The following ELAVL2 variants were observed in gnomAD, a reference collection of about 807,000 sequenced individuals.
The protein encoded by ELAVL2 is ELAV like RNA binding protein 2.
In ELAVL2, 4 loss-of-function variants were observed where a neutral mutation model predicts 34.6. The observed-to-expected ratio is 0.12, with a 90% CI of 0.06 to 0.26. The LOEUF is 0.26. Ranked by LOEUF, ELAVL2 falls within the 10% of genes least tolerant of loss-of-function variation. ELAVL2 has a pLI of 1.00. For missense variants in ELAVL2, 432 were observed against 442.8 expected (o/e 0.98, Z 0.22); for synonymous variants, 193 against 154.8 (o/e 1.25, Z -1.83).
chr9:23,801,702 A>G (rs959545178), intron 1 of ELAVL2, among the ~76,000 whole-genome samples: 3 of 152,270 alleles, frequency 2.0e-5, no homozygotes, highest in African/African-American at 4.8e-5. Flanking sequence ...TATCCAAACT[A>G]AAATGCAGAA....
intron 1 of ELAVL2, among the ~76,000 whole-genome samples, chr9:23,818,256 C>CA (rs928677033): frequency 6.6e-6 from 1 of 152,136 alleles, no homozygotes; most frequent in Non-Finnish European, 1.5e-5. Flanking sequence ...TATAATATAT[C>CA]AACAAAGCAG....
intron 1 of ELAVL2, among the ~76,000 whole-genome samples, chr9:23,769,948 T>C (rs1454951710): frequency 6.6e-6 from 1 of 152,158 alleles, no homozygotes; most frequent in Non-Finnish European, 1.5e-5. Context: ...AGTCCTTCTC[T>C]TCAGTCTAAG....
intron 2 of ELAVL2, among the ~76,000 whole-genome samples, chr9:23,740,230 C>T (rs2048847073): frequency 6.6e-6 from 1 of 152,112 alleles, no homozygotes; most frequent in African/African-American, 2.4e-5. Flanking sequence ...AGTACCACTG[C>T]CAAACTAAAC....
chr9:23,838,107 T>G, the ELAVL2 span, among the ~76,000 whole-genome samples: 7 of 152,172 alleles, frequency 4.6e-5, no homozygotes, highest in Admixed American at 4.6e-4. Context: ...AAGATATTTA[T>G]GAAATATTAT....
intron 1 of ELAVL2, among the ~76,000 whole-genome samples, chr9:23,796,576 A>T (rs1226731648): frequency 6.6e-6 from 1 of 152,244 alleles, no homozygotes; most frequent in Non-Finnish European, 1.5e-5. Flanking sequence ...CTTAGTCATT[A>T]TGATCCAAAG....
At position 23,777,654 on chromosome 9, in the gene ELAVL2, G is replaced by A. The variant is rs1025518509; in HGVS notation, c.-15-15405C>T. ...AAACGGGGGGTATCATGAGGTAGAA[G>A]CAAGAACGGTAAATTAAAACTGAAG... On this transcript the variant is annotated intron_variant, in intron 1 of 6. Coordinates refer to ENST00000397312, the MANE Select transcript of ELAVL2 (RefSeq NM_004432.5). Among the ~76,000 whole-genome samples the A allele has an allele frequency of 2.0e-5, 3 of 152,102 alleles. 1 individual carries two copies. In the South Asian group the frequency reaches 6.2e-4, roughly 32 times the overall value.
At chr9:23,768,768 C>A (rs887741188) in intron 1 of ELAVL2, among the ~76,000 whole-genome samples, 1 of 152,094 alleles carries the variant, frequency 6.6e-6, no homozygotes, top group Non-Finnish European at 1.5e-5. Flanking sequence ...TGGATATGGG[C>A]ATGTGGAATT....
chr9:23,838,167 T>C, the ELAVL2 span, among the ~76,000 whole-genome samples: 1 of 152,124 alleles, frequency 6.6e-6, no homozygotes, highest in African/African-American at 2.4e-5. Flanking sequence ...CATTAAACAA[T>C]GGCTATTTTG....
At chr9:23,736,086 T>A (rs1394795758) in intron 2 of ELAVL2, among the ~76,000 whole-genome samples, 1 of 152,186 alleles carries the variant, frequency 6.6e-6, no homozygotes, top group Non-Finnish European at 1.5e-5. Context: ...CCTGTTTCAT[T>A]CAAAGGTCAC....
chr9:23,713,801 A>C (rs539268745), intron 3 of ELAVL2, among the ~76,000 whole-genome samples: 2 of 152,192 alleles, frequency 1.3e-5, no homozygotes, highest in Admixed American at 6.5e-5. Flanking sequence ...TACACAGCAT[A>C]CTATGAAACT....
the ELAVL2 span, among the ~76,000 whole-genome samples, chr9:23,836,077 C>G: frequency 6.6e-6 from 1 of 152,144 alleles, no homozygotes; most frequent in African/African-American, 2.4e-5. Context: ...CCTCTTAACT[C>G]TTCATGTTGA....
chr9:23,791,667 A>ACACC (rs1293490948), intron 1 of ELAVL2, among the ~76,000 whole-genome samples: 1 of 152,200 alleles, frequency 6.6e-6, no homozygotes, highest in Admixed American at 6.5e-5. Context: ...AAAGGAAGAG[A>ACACC]CACCAATGAT....
intron 2 of ELAVL2, among the ~76,000 whole-genome samples, chr9:23,745,511 T>C (rs895638378): frequency 1.3e-5 from 2 of 152,068 alleles, no homozygotes; most frequent in Non-Finnish European, 2.9e-5. Context: ...TTTGAACAAT[T>C]ACATTTACAA....
chr9:23,741,623 C>A (rs955672515), intron 2 of ELAVL2, among the ~76,000 whole-genome samples: 14 of 152,034 alleles, frequency 9.2e-5, no homozygotes, highest in African/African-American at 3.4e-4. Context: ...GAACAGAGTC[C>A]CCACTGCAAA....
At chr9:23,812,341 A>G (rs145711047) in intron 1 of ELAVL2, among the ~76,000 whole-genome samples, 1 of 152,140 alleles carries the variant, frequency 6.6e-6, no homozygotes, top group Non-Finnish European at 1.5e-5. Context: ...AAACTCAAAA[A>G]CAAAATTAGA....
At chr9:23,775,729 G>A (rs748359529) in intron 1 of ELAVL2, among the ~76,000 whole-genome samples, 21 of 151,972 alleles carry the variant, frequency 1.4e-4, no homozygotes, top group Admixed American at 9.8e-4. Flanking sequence ...CAGCACCCCC[G>A]CATCATATAC....
intron 3 of ELAVL2, among the ~76,000 whole-genome samples, chr9:23,723,311 T>C (rs2044221003): frequency 6.6e-6 from 1 of 151,758 alleles, no homozygotes; most frequent in South Asian, 2.1e-4. Context: ...CTCAGTAAAC[T>C]ATCACAAGGA....
chr9:23,753,292 A>G (rs546003415), intron 2 of ELAVL2, among the ~76,000 whole-genome samples: 2 of 152,312 alleles, frequency 1.3e-5, no homozygotes, highest in East Asian at 3.9e-4. Flanking sequence ...AACAAGCTCA[A>G]AAGAAGTTGG....
At chr9:23,707,376 T>C (rs1404467961) in intron 3 of ELAVL2, among the ~76,000 whole-genome samples, 3 of 152,180 alleles carry the variant, frequency 2.0e-5, no homozygotes, top group Non-Finnish European at 2.9e-5. Flanking sequence ...CTATCTAGGA[T>C]TCTATGGCTT....
Sources: allele counts gnomAD v4.1 joint callset (sites outside exome capture counted in the v4.1 genomes callset), GRCh38; gene constraint gnomAD v4.1.1; transcripts MANE v1.5; gene names NCBI Gene and HGNC (gene_info 2026-07-23, HGNC 2026-07-21).